Variants in PLCH2 observed in about 807,000 individuals in gnomAD.
PLCH2 encodes phospholipase C eta 2, also known as 1-phosphatidylinositol 4,5-bisphosphate phosphodiesterase eta-2.
Under a neutral mutation model 134.7 loss-of-function variants are expected in PLCH2, and 98 were observed. That is an observed-to-expected ratio of 0.73 (90% CI 0.62 to 0.86). The LOEUF (loss-of-function observed/expected upper bound fraction) is 0.86. PLCH2 is among the 40% of genes least tolerant of loss of function. The pLI is 0.00. For missense variants in PLCH2, 1,994 were observed against 1,986.6 expected (o/e 1.00, Z -0.07); for synonymous variants, 974 against 827.5 (o/e 1.18, Z -3.04).
intron 11 of PLCH2, chr1:2,493,793 G>A: frequency 6.5e-6 from 1 of 153,168 alleles, no homozygotes; most frequent in South Asian, 2.0e-4. Context: ...CCCAGGTCCA[G>A]GCTGGGGAGA....
At chr1:2,495,117 T>G (rs1642809786) in intron 12 of PLCH2, among the ~76,000 whole-genome samples, 169 bp downstream of exon 12, 1 of 151,984 alleles carries the variant, frequency 6.6e-6, no homozygotes. Context: ...GTCCCCAGGG[T>G]TCCCAGCCTG....
At chr1:2,478,019 C>T (rs1380637628) in intron 1 of PLCH2, among the ~76,000 whole-genome samples, 1 of 152,216 alleles carries the variant, frequency 6.6e-6, no homozygotes, top group East Asian at 1.9e-4. Context: ...ACAGCCAGCC[C>T]AGCCACCTCA....
At chr1:2,434,008 C>T (rs1307357023) in intron 2 of PLCH2, among the ~76,000 whole-genome samples, 1 of 152,188 alleles carries the variant, frequency 6.6e-6, no homozygotes, top group African/African-American at 2.4e-5. Context: ...GGAAACTCGA[C>T]GAGCTGCTGC....
chr1:2,436,439 C>CCT (rs1359212207), intron 2 of PLCH2, among the ~76,000 whole-genome samples: 4 of 43,582 alleles, frequency 9.2e-5, no homozygotes, highest in Admixed American at 2.3e-4. Flanking sequence ...TCTCCCTCCT[C>CCT]CCTTCCTCCC....
intron 2 of PLCH2, among the ~76,000 whole-genome samples, chr1:2,432,150 C>T (rs1639099916): frequency 6.6e-6 from 1 of 152,250 alleles, no homozygotes; most frequent in Non-Finnish European, 1.5e-5. Flanking sequence ...TGAGGCCAGG[C>T]CCCACTCTGC....
Position 2,497,549 on chromosome 1 carries a change from G to C in PLCH2, c.2164G>C (p.Ala722Pro), listed in dbSNP as rs1186609270. Residue 722 changes from alanine to proline, a missense_variant, in exon 16 of 22, where the codon GCC becomes CCC. Physicochemically the swap from Ala to Pro is conservative, Grantham distance 27. Around this residue, in one of 2 missense-constraint regions of PLCH2, gnomAD observed 1,094 missense variants for 1,234.3 expected, o/e 0.89. Transcript: ENST00000378486. ...GGGGCGGATGCTGCAGCTGAACCGA[G>C]CCAAGTTCAGCGCCAACGGTGGCTG... ...SEGRMLQLNRAKFSANGGCGY... is the reference protein window; with the variant it reads ...SEGRMLQLNRPKFSANGGCGY... The C allele has an allele frequency of 5.8e-6, 9 of 1,563,334 alleles. No homozygotes were observed. Among genetic ancestry groups the C allele is most frequent in the Non-Finnish European group, 7.8e-6 (9 of 1,154,356 alleles).
rs1643000239 is a variant in PLCH2 at position 2,498,165 on chromosome 1, G to C, written c.2225-358G>C. ...ACCAGCTACTTCCACCTCTGCCCTT[G>C]GCTTGCCCTCCTCAGAGTTCTCAGC... On this transcript the variant is annotated intron_variant, in intron 16 of 21. Coordinates refer to ENST00000378486, the MANE Select transcript of PLCH2 (RefSeq NM_014638.4). This position sits in a 1 kb window ranked among gnomAD's most constrained non-coding sequence, Gnocchi z 5.4. The C allele has an allele frequency of 3.3e-6, 1 of 302,980 alleles. No homozygotes were observed. The highest frequency in any genetic ancestry group is 2.2e-5 in the African/African-American group (1 of 46,416). 18.8% of individuals were successfully genotyped at this position (302,980 alleles called of 1,614,324 possible). A position where few individuals can be genotyped will look rare whatever the true frequency, so the allele number is the denominator to read the frequency against.
chr1:2,463,637 G>A (rs1010776867), upstream of PLCH2, among the ~76,000 whole-genome samples: 17 of 151,410 alleles, frequency 1.1e-4, no homozygotes, highest in African/African-American at 4.1e-4. Context: ...GCAGCCCGGA[G>A]ACTGGTCAGA....
chr1:2,422,125 C>T (rs1029754962), upstream of PLCH2, among the ~76,000 whole-genome samples: 4 of 151,690 alleles, frequency 2.6e-5, no homozygotes, highest in East Asian at 7.7e-4. Flanking sequence ...AAAAATTAGC[C>T]GGGCATGGTG....
upstream of PLCH2, among the ~76,000 whole-genome samples, chr1:2,473,068 G>A (rs914609123): frequency 1.3e-5 from 2 of 152,068 alleles, no homozygotes; most frequent in African/African-American, 4.8e-5. Flanking sequence ...GTTAGGACAA[G>A]ATCGATCTCC....
At chr1:2,432,211 ACT>A (rs1331078401) in intron 2 of PLCH2, among the ~76,000 whole-genome samples, 2 of 151,788 alleles carry the variant, frequency 1.3e-5, no homozygotes, top group Non-Finnish European at 2.9e-5. Context: ...CTGGCTGCCG[ACT>A]CTCTCATCTT....
At chr1:2,450,689 C>T (rs1427471488) in intron 2 of PLCH2, among the ~76,000 whole-genome samples, 1 of 44,816 alleles carries the variant, frequency 2.2e-5, no homozygotes, top group Admixed American at 2.0e-4. Flanking sequence ...CCCCTCTCCC[C>T]GCCTGCCCCC....
intron 12 of PLCH2, 140 bp downstream of exon 12, chr1:2,495,088 C>T (rs1570466915): frequency 3.1e-6 from 2 of 643,158 alleles, no homozygotes; most frequent in East Asian, 2.7e-5. Flanking sequence ...CCAGCCAGAG[C>T]AGATGGGGGT....
chr1:2,460,452 G>A (rs59168189), intron 2 of PLCH2, among the ~76,000 whole-genome samples: 5,048 of 152,350 alleles, frequency 0.033, 258 homozygotes, highest in East Asian at 0.21. Flanking sequence ...AAGGAAGGAC[G>A]CAGAGGGTGG....
chr1:2,478,459 G>A lies in PLCH2; in HGVS notation c.125-17G>A, dbSNP rs764570302. The A allele has an allele frequency of 1.2e-6, 2 of 1,611,990 alleles. No homozygotes were observed. The highest frequency in any genetic ancestry group is 2.7e-5 in the African/African-American group (2 of 74,918). Reference sequence around the variant, plus strand: ...TGGCTGTGCCTCCGCTGACAGCCGTGTCTCTCCCGTGTCCAGTGGAGCGGT... The same window carrying A: ...TGGCTGTGCCTCCGCTGACAGCCGTATCTCTCCCGTGTCCAGTGGAGCGGT... On this transcript the variant is annotated splice_polypyrimidine_tract_variant and intron_variant, in intron 1 of 21. Transcript: ENST00000378486.
intron 21 of PLCH2, chr1:2,503,101 T>A (rs901421591): frequency 1.4e-6 from 1 of 692,926 alleles, no homozygotes. Context: ...AGCCCTCCTG[T>A]CTGAGCTTGA....
intron 1 of PLCH2, among the ~76,000 whole-genome samples, chr1:2,427,670 C>A (rs368467211): frequency 6.6e-6 from 1 of 152,134 alleles, no homozygotes; most frequent in African/African-American, 2.4e-5. Context: ...AGGAGCAGGC[C>A]GGGGCTTGTG....
At chr1:2,449,459 C>T (rs570380130) in intron 2 of PLCH2, among the ~76,000 whole-genome samples, 1 of 152,296 alleles carries the variant, frequency 6.6e-6, no homozygotes, top group African/African-American at 2.4e-5. Flanking sequence ...GGTGCTACTG[C>T]ACTCCAGCCT....
rs1213368565 is a variant in PLCH2, at chr1:2,448,930, C to T, written c.115+18301C>T. 6.6e-6 allele frequency among the ~76,000 whole-genome samples: 1 copy of T among 152,202 alleles called. No homozygotes were observed. The highest frequency in any genetic ancestry group is 1.5e-5 in the Non-Finnish European group (1 of 68,030). ...CCTGGGGCCTCCAGAATGCTCGTTTCGTCAAACTGTTGTACGTGGCTCCTT... is the reference window on the plus strand; with the variant it reads ...CCTGGGGCCTCCAGAATGCTCGTTTTGTCAAACTGTTGTACGTGGCTCCTT... On this transcript the variant is annotated intron_variant, in intron 2 of 3. Coordinates refer to the PLCH2 transcript ENST00000609981. This position sits in a 1 kb window ranked among gnomAD's most constrained non-coding sequence, Gnocchi z 4.0.
Sources: allele counts gnomAD v4.1 joint callset (sites outside exome capture counted in the v4.1 genomes callset), GRCh38; gene constraint gnomAD v4.1.1; regional missense constraint gnomAD v4.1.1; non-coding constraint Gnocchi (gnomAD v3.1); transcripts MANE v1.5; gene names NCBI Gene and HGNC (gene_info 2026-07-23, HGNC 2026-07-21).